CLEC5A: variants seen among roughly 807,000 people sequenced by gnomAD.
CLEC5A encodes C-type lectin domain family 5 member A.
In CLEC5A, 15 loss-of-function variants were observed where a neutral mutation model predicts 24.4. The ratio of observed to expected loss-of-function variants is 0.62; its 90% confidence interval spans 0.41 to 0.95. The LOEUF is 0.95. Among genes scored for constraint, CLEC5A ranks in the 40% least tolerant of loss-of-function variants. CLEC5A has a pLI of 0.00. For synonymous variants in CLEC5A, 71 were observed against 72.6 expected, an observed-to-expected ratio of 0.98 and a Z score of 0.11; for missense variants, 211 against 224.0, an observed-to-expected ratio of 0.94 and a Z score of 0.37.
In CLEC5A at chr7:141,946,287, G is replaced by A. The variant is rs1382033347; in HGVS notation, c.6C>T (p.Asn2=). The A allele has an allele frequency of 6.4e-6, 10 of 1,568,038 alleles. No individual in the cohort carries two copies. The highest frequency in any genetic ancestry group is 8.7e-6 in the Non-Finnish European group (10 of 1,155,206). ...TAAGCCCAGAGATGATCATGTGCCA[G>A]TTCATGATGAAGGAGCTGCAGGGGC... The part of the protein sequence containing the change: M[N]WHMIISGLIV... Residue 2 remains asparagine, a synonymous_variant, in exon 2 of 7, where the codon AAC becomes AAT. Transcript: ENST00000546910.
At chr7:141,946,656 C>T (rs1554442179) in intron 1 of CLEC5A, among the ~76,000 whole-genome samples, 151 bp downstream of exon 1, 1 of 152,170 alleles carries the variant, frequency 6.6e-6, no homozygotes, top group Non-Finnish European at 1.5e-5. Context: ...TTCCCAAGGA[C>T]CTTAGTCTGT....
chr7:141,928,316 G>A lies in CLEC5A; in HGVS notation c.*1788C>T, dbSNP rs1306109015. ...CATTTCCTGATCTTAAAAGTTTGCA[G>A]TTATTCTGTCATGAAATAGGAAGTG... On this transcript the variant is annotated 3_prime_UTR_variant, in exon 7 of 7. Transcript: ENST00000546910. 1 of 152,578 alleles carries A rather than the reference G, an allele frequency of 6.6e-6. No individual in the cohort carries two copies. The highest frequency in any genetic ancestry group is 1.5e-5 in the Non-Finnish European group (1 of 68,036). 9.5% of individuals were successfully genotyped at this position (152,578 alleles called of 1,614,324 possible).
At chr7:141,944,734 A>G (rs1802902115) in intron 3 of CLEC5A, among the ~76,000 whole-genome samples, 1 of 152,170 alleles carries the variant, frequency 6.6e-6, no homozygotes, top group Non-Finnish European at 1.5e-5. Flanking sequence ...AGTTACTTAC[A>G]TTTATCTTAA....
chr7:141,938,985 C>A lies in CLEC5A; in HGVS notation c.209-3035G>T, dbSNP rs893720213. Among the ~76,000 whole-genome samples the A allele has an allele frequency of 8.5e-5, 13 of 152,128 alleles. 1 individual carries two copies. Among genetic ancestry groups the A allele is most frequent in the African/African-American group, 3.1e-4 (13 of 41,432 alleles). ...ACAAATAAAAGCTGAGGGATTTAAT[C>A]AACAGCACATCAGTCCTATAAGAAT... is the stretch of plus-strand genomic sequence containing the variant. On this transcript the variant is annotated intron_variant, in intron 4 of 6. Transcript: ENST00000546910.
At chr7:141,933,499 A>T (rs1554440625) in intron 5 of CLEC5A, among the ~76,000 whole-genome samples, 2 of 149,224 alleles carry the variant, frequency 1.3e-5, no homozygotes, top group African/African-American at 4.9e-5. Flanking sequence ...TGTAAGGTAC[A>T]TGGATGTGCT....
chr7:141,935,748 A>AC (rs1554440984), intron 5 of CLEC5A, 66 bp downstream of exon 5: 13 of 1,495,134 alleles, frequency 8.7e-6, no homozygotes, highest in Non-Finnish European at 1.9e-6. Flanking sequence ...CCAAGTTTCT[A>AC]CCCCATCCCA....
chr7:141,930,280 C>T (rs1802418714), intron 6 of CLEC5A, 62 bp from the exon 7 acceptor site: 6 of 1,291,732 alleles, frequency 4.6e-6, no homozygotes, highest in Non-Finnish European at 6.6e-6. Context: ...GGTGATGGCC[C>T]ATCATTTTAG....
chr7:141,946,003 T>C lies in CLEC5A; in HGVS notation c.79+211A>G. ...GTTCTAACCATCAGAAACTGGTAAG[T>C]TCTATATCTCCAAGGTAGACCAAGG... On this transcript the variant is annotated intron_variant, in intron 2 of 6. Coordinates refer to ENST00000546910, the MANE Select transcript of CLEC5A (RefSeq NM_013252.3). 5.4e-6 allele frequency: 3 copies of C among 553,740 alleles called. No homozygotes were observed. The South Asian group carries it at 7.4e-5, about 14-fold the overall frequency. 34.3% of individuals were successfully genotyped at this position (553,740 alleles called of 1,614,324 possible). A position where few individuals can be genotyped will look rare whatever the true frequency, so the allele number is the denominator to read the frequency against.
At chr7:141,938,107 C>G (rs1383546615) in intron 4 of CLEC5A, among the ~76,000 whole-genome samples, 2 of 152,166 alleles carry the variant, frequency 1.3e-5, no homozygotes, top group South Asian at 4.1e-4. Context: ...CTTCTATGCC[C>G]AGACACTGAT....
intron 3 of CLEC5A, among the ~76,000 whole-genome samples, chr7:141,944,586 T>C (rs1437350454): frequency 5.3e-5 from 8 of 152,108 alleles, no homozygotes; most frequent in Non-Finnish European, 8.8e-5. Flanking sequence ...GAAATCCATA[T>C]AGGGGCCTCA....
At position 141,944,065 on chromosome 7, in the gene CLEC5A, C is replaced by A; in HGVS notation, c.140-101G>T. The A allele has an allele frequency of 1.2e-5, 9 of 767,442 alleles. No individual in the cohort carries two copies. The South Asian group carries it at 1.3e-4, about 11-fold the overall frequency. The allele number at this position is 767,442 out of a possible 1,614,324, so 47.5% of individuals were successfully genotyped here. A position where few individuals can be genotyped will look rare whatever the true frequency, so the allele number is the denominator to read the frequency against. On this transcript the variant is annotated intron_variant, in intron 3 of 6. Coordinates refer to ENST00000546910, the MANE Select transcript of CLEC5A (RefSeq NM_013252.3). Reference sequence around the variant, plus strand: ...GTGTGACTCTGAATCATGGAGATGACAAGAAGCTCTTGGCCACTCTGAGCT... The same window carrying A: ...GTGTGACTCTGAATCATGGAGATGAAAAGAAGCTCTTGGCCACTCTGAGCT...
In CLEC5A at chr7:141,940,854, A is replaced by T. The variant is rs759433785; in HGVS notation, c.208+3042T>A. On this transcript the variant is annotated intron_variant, in intron 4 of 6. Coordinates refer to ENST00000546910, the MANE Select transcript of CLEC5A (RefSeq NM_013252.3). The stretch of plus-strand genomic sequence containing the variant: ...AAGAAATGGGCAAATTCCTAGGCAC[A>T]TACAACCTACCAAGATTAAACCACA... 1.9e-3 allele frequency among the ~76,000 whole-genome samples: 289 copies of T among 152,240 alleles called. 1 individual carries two copies. The highest frequency in any genetic ancestry group is 3.4e-3 in the Non-Finnish European group (229 of 67,986).
Position 141,943,883 on chromosome 7 carries a change from T to A in CLEC5A, c.208+13A>T. 1 of 1,562,276 alleles carries A rather than the reference T, an allele frequency of 6.4e-7. No homozygotes were observed. Among genetic ancestry groups the A allele is most frequent in the Non-Finnish European group, 8.8e-7 (1 of 1,133,004 alleles). ...CTAGGGGATGGGGAGTAGGTTGTAA[T>A]CATGCACTTTACCTGTTCCATAGCT... On this transcript the variant is annotated intron_variant, in intron 4 of 6. Transcript: ENST00000546910.
At chr7:141,931,425 G>C (rs929815335) in intron 6 of CLEC5A, 4 of 457,654 alleles carry the variant, frequency 8.7e-6, no homozygotes, top group South Asian at 4.9e-5. Flanking sequence ...CATCTATAGA[G>C]AGCTACAAGA....
intron 6 of CLEC5A, among the ~76,000 whole-genome samples, 170 bp from the exon 7 acceptor site, chr7:141,930,388 C>T (rs1484906435): frequency 6.6e-6 from 1 of 152,174 alleles, no homozygotes; most frequent in Non-Finnish European, 1.5e-5. Flanking sequence ...TCTGCGTAGC[C>T]TCCTTTTTAG....
rs1554439802 is a variant in CLEC5A at position 141,928,401 on chromosome 7, G to C, written c.*1703C>G. 1 of 152,456 alleles carries C rather than the reference G, an allele frequency of 6.6e-6. No individual in the cohort carries two copies. Among genetic ancestry groups the C allele is most frequent in the Non-Finnish European group, 1.5e-5 (1 of 68,038 alleles). The allele number at this position is 152,456 out of a possible 1,614,324, so 9.4% of individuals were successfully genotyped here. On this transcript the variant is annotated 3_prime_UTR_variant, in exon 7 of 7. Transcript: ENST00000546910. ...GATTAGGATTTCCTTTCTGTTGTCT[G>C]AGTTCTGGGGCTTGCCTTTGGCTAG...
chr7:141,946,143 T>C, intron 2 of CLEC5A, 71 bp downstream of exon 2: 2 of 1,483,180 alleles, frequency 1.3e-6, no homozygotes, highest in South Asian at 1.2e-5. Context: ...CACACAACCA[T>C]GCATTCTGAG....
rs141970669 is a variant in CLEC5A, at chr7:141,945,369, A to G, written c.111T>C (p.Gly37=). 3.7e-6 allele frequency: 6 copies of G among 1,613,190 alleles called. No homozygotes were observed. Among genetic ancestry groups the G allele is most frequent in the Non-Finnish European group, 5.1e-6 (6 of 1,179,368 alleles). Residue 37 remains glycine (G), a synonymous_variant, in exon 3 of 7, where the codon GGT becomes GGC. Coordinates refer to ENST00000546910, the MANE Select transcript of CLEC5A (RefSeq NM_013252.3). ...FPQIFNKSND[G]FTTTRSYGTV... ...TTCCATAGCTCCTGGTGGTGGTGAA[A>G]CCATCGTTACTTTTGTTAAAAATCT...
chr7:141,934,563 C>T (rs183434020), intron 5 of CLEC5A, among the ~76,000 whole-genome samples: 4 of 143,418 alleles, frequency 2.8e-5, no homozygotes, highest in Non-Finnish European at 4.5e-5. Flanking sequence ...TACAGACTTG[C>T]GAGTCAGCAG....
Sources: allele counts gnomAD v4.1 joint callset (sites outside exome capture counted in the v4.1 genomes callset), GRCh38; gene constraint gnomAD v4.1.1; transcripts MANE v1.5; gene names NCBI Gene and HGNC (gene_info 2026-07-23, HGNC 2026-07-21).